Variants in IFT88 observed in about 807,000 individuals in gnomAD.
The protein encoded by IFT88 is intraflagellar transport protein 88 homolog.
In IFT88, 74 loss-of-function variants were observed where a neutral mutation model predicts 119.5. The ratio of observed to expected loss-of-function variants is 0.62; its 90% CI spans 0.51 to 0.75. The LOEUF (loss-of-function observed/expected upper bound fraction) is 0.75, where lower values mean the gene tolerates loss of function less well. Ranked by LOEUF, IFT88 falls within the 30% of genes least tolerant of loss-of-function variation. IFT88 has a pLI of 0.00. For synonymous variants in IFT88, 279 were observed against 316.7 expected (o/e 0.88, Z 1.26); for missense variants, 961 against 977.7 (o/e 0.98, Z 0.23).
At chr13:20,615,005 C>T (rs1037960594) in intron 13 of IFT88, among the ~76,000 whole-genome samples, 4 of 151,802 alleles carry the variant, frequency 2.6e-5, no homozygotes, top group Admixed American at 6.6e-5. Context: ...TTAGTAGAGA[C>T]GGGGTTTCAC....
chr13:20,598,543 G>C (rs1467107702), intron 9 of IFT88, 108 bp from the exon 10 acceptor site: 2 of 572,200 alleles, frequency 3.5e-6, no homozygotes, highest in Non-Finnish European at 6.3e-6. Flanking sequence ...TGAGTATCTT[G>C]ATATAAGTAG....
chr13:20,672,472 G>C (rs564279847), intron 24 of IFT88, among the ~76,000 whole-genome samples: 1 of 152,228 alleles, frequency 6.6e-6, no homozygotes, highest in South Asian at 2.1e-4. Context: ...GGCTACTCCT[G>C]TCTCCTTGCT....
At position 20,674,268 on chromosome 13, in the gene IFT88, G is replaced by A. The variant is rs73165454; in HGVS notation, c.2242+3229G>A. 1.7e-3 allele frequency among the ~76,000 whole-genome samples: 252 copies of A among 152,298 alleles called. No individual in the cohort carries two copies. In the Middle Eastern group the frequency reaches 0.024, roughly 14 times the overall value. ...GTTAACAGTATTTATATTCTCTGCA[G>A]ATAAACTGATGAGGGGAATAACTAT... On this transcript the variant is annotated intron_variant, in intron 24 of 25. Coordinates refer to ENST00000351808, the MANE Select transcript of IFT88 (RefSeq NM_006531.5).
At chr13:20,653,732 A>C (rs1349514016) in intron 20 of IFT88, 144 bp from the exon 21 acceptor site, 1 of 455,718 alleles carries the variant, frequency 2.2e-6, no homozygotes, top group Non-Finnish European at 3.9e-6. Context: ...ACTGAGGGAA[A>C]TTATATATCT....
intron 7 of IFT88, among the ~76,000 whole-genome samples, chr13:20,592,690 G>A (rs1041675299): frequency 6.6e-6 from 1 of 152,098 alleles, no homozygotes; most frequent in East Asian, 1.9e-4. Flanking sequence ...GGCTGGTCTC[G>A]AACTCCCAAT....
chr13:20,568,882 A>G (rs1317467411), intron 1 of IFT88, among the ~76,000 whole-genome samples: 1 of 151,728 alleles, frequency 6.6e-6, no homozygotes, highest in Admixed American at 6.6e-5. Flanking sequence ...CACCATGCCC[A>G]GCTAATTTTT....
intron 15 of IFT88, among the ~76,000 whole-genome samples, chr13:20,626,640 C>T (rs377255328): frequency 8.5e-5 from 13 of 152,106 alleles, no homozygotes; most frequent in African/African-American, 1.4e-4. Flanking sequence ...TTTAGAACCC[C>T]GCAGATCTCT....
At position 20,601,727 on chromosome 13, in the gene IFT88, G is replaced by A. The variant is rs752724237; in HGVS notation, c.835G>A (p.Gly279Arg). 4 of 1,605,998 alleles carry A rather than the reference G, an allele frequency of 2.5e-6. No homozygotes were observed. Among genetic ancestry groups the A allele is most frequent in the Non-Finnish European group, 3.4e-6 (4 of 1,173,326 alleles). The change falls in exon 12 of 26, where the codon GGA (glycine) becomes AGA (arginine). Residue 279 changes from glycine (G) to arginine (R), a missense_variant. Physicochemically the swap from Gly to Arg is moderately radical, Grantham distance 125. Coordinates refer to ENST00000351808, the MANE Select transcript of IFT88 (RefSeq NM_006531.5). Reference protein sequence around the residue: ...QMRIKIMQNIGVTFIQAGQYS... With the variant: ...QMRIKIMQNIRVTFIQAGQYS... ...TAGGATTAAAATAATGCAGAATATT[G>A]GAGTTACATTTATTCAGGCTGGTCA...
intron 2 of IFT88, among the ~76,000 whole-genome samples, chr13:20,578,888 T>A (rs1029625067): frequency 6.6e-5 from 10 of 152,180 alleles, no homozygotes; most frequent in Non-Finnish European, 1.2e-4. Context: ...TAATGTCCCT[T>A]TTTTATCTCT....
intron 22 of IFT88, among the ~76,000 whole-genome samples, chr13:20,661,758 G>T (rs1374708651): frequency 6.6e-6 from 1 of 151,726 alleles, no homozygotes; most frequent in Non-Finnish European, 1.5e-5. Flanking sequence ...AATTATAAAT[G>T]TACAAGAACA....
rs546161627 is a variant in IFT88, at chr13:20,619,008, T to A, written c.1199+3129T>A. Among the ~76,000 whole-genome samples the A allele has an allele frequency of 8.6e-5, 13 of 151,958 alleles. 1 individual carries two copies. The East Asian group carries it at 2.5e-3, about 29-fold the overall frequency. ...AGTAGCTGGGACTACAGGCGCACATTGCCACGCCCGGCCAATTTTTTGTAT... is the reference window on the plus strand; with the variant it reads ...AGTAGCTGGGACTACAGGCGCACATAGCCACGCCCGGCCAATTTTTTGTAT... On this transcript the variant is annotated intron_variant, in intron 14 of 25. Transcript: ENST00000351808.
Position 20,601,877 on chromosome 13 carries a change from C to CA in IFT88, c.990dup (p.Leu331IlefsTer9), listed in dbSNP as rs760227839. 2 of 1,610,752 alleles carry CA rather than the reference C, an allele frequency of 1.2e-6. No individual in the cohort carries two copies. The highest frequency in any genetic ancestry group is 8.5e-7 in the Non-Finnish European group (1 of 1,177,216). ...CCGAGAAAAAATGAAGAAGGCATTCCAAAAATTGATTACTGTTCCATTAGA... is the reference window on the plus strand; with the variant it reads ...CCGAGAAAAAATGAAGAAGGCATTCCAAAAAATTGATTACTGTTCCATTAGA... On this transcript the variant is annotated frameshift_variant, in exon 12 of 26. Coordinates refer to ENST00000351808, the MANE Select transcript of IFT88 (RefSeq NM_006531.5). LOFTEE classifies it high-confidence loss of function.
At chr13:20,614,554 G>A (rs2045254806) in intron 13 of IFT88, 1 of 152,226 alleles carries the variant, frequency 6.6e-6, no homozygotes, top group South Asian at 2.1e-4. Context: ...ATGGTTGTTA[G>A]GAGAGATGAA....
At chr13:20,582,377 G>A (rs373114062) in intron 2 of IFT88, among the ~76,000 whole-genome samples, 3 of 152,254 alleles carry the variant, frequency 2.0e-5, no homozygotes. Context: ...ATTCCAAATG[G>A]CAGTGCAGGT....
intron 13 of IFT88, among the ~76,000 whole-genome samples, chr13:20,605,665 C>T (rs2043310135): frequency 6.6e-6 from 1 of 152,174 alleles, no homozygotes. Flanking sequence ...AAGACTACTA[C>T]CCTGTTCCTC....
chr13:20,578,007 T>C (rs2037743716), intron 2 of IFT88, among the ~76,000 whole-genome samples: 1 of 150,868 alleles, frequency 6.6e-6, no homozygotes, highest in Admixed American at 6.6e-5. Context: ...TGGGAGACTT[T>C]TTATTGTGGC....
chr13:20,596,933 C>T (rs1012040950), intron 8 of IFT88, 82 bp from the exon 9 acceptor site: 2 of 705,620 alleles, frequency 2.8e-6, no homozygotes, highest in Admixed American at 6.5e-5. Flanking sequence ...TGAATTCATC[C>T]AACCTTCATG....
intron 24 of IFT88, among the ~76,000 whole-genome samples, chr13:20,686,444 C>T (rs993617639): frequency 1.3e-5 from 2 of 152,320 alleles, no homozygotes; most frequent in African/African-American, 4.8e-5. Flanking sequence ...TTCCTGAAGG[C>T]AGTGGCTGCA....
chr13:20,628,300 C>T (rs17250686), intron 15 of IFT88, among the ~76,000 whole-genome samples: 3,266 of 152,010 alleles, frequency 0.021, 55 homozygotes, highest in Non-Finnish European at 0.035. Context: ...AAAATAGACT[C>T]TGCCAAAAAG....
Sources: gnomAD v4.1 joint callset for allele counts (sites outside exome capture counted in the v4.1 genomes callset) on GRCh38, gnomAD v4.1.1 for gene constraint, MANE v1.5 for transcripts, NCBI Gene and HGNC (gene_info 2026-07-23, HGNC 2026-07-21) for gene names.